Variants in SPEN observed in about 807,000 individuals in gnomAD.
SPEN encodes msx2-interacting protein.
SPEN carries 18 observed loss-of-function variants against 269.9 expected under a neutral mutation model. The observed-to-expected ratio is 0.07, with a 90% CI of 0.05 to 0.10. SPEN has a LOEUF of 0.10. SPEN is among the 10% of genes least tolerant of loss of function. SPEN has a pLI of 1.00. For synonymous variants in SPEN, 1,726 were observed against 1,765.7 expected, an observed-to-expected ratio of 0.98 and a Z score of 0.56; for missense variants, 3,822 against 4,631.2, an observed-to-expected ratio of 0.83 and a Z score of 5.07.
At chr1:15,887,903 C>T (rs184326008) in intron 3 of SPEN, among the ~76,000 whole-genome samples, 4 of 150,770 alleles carry the variant, frequency 2.7e-5, no homozygotes, top group Admixed American at 2.6e-4. Flanking sequence ...TGGTGGACGC[C>T]TATAATCCCA....
At chr1:15,864,474 T>TG (rs201870226) in intron 1 of SPEN, among the ~76,000 whole-genome samples, 6,582 of 150,790 alleles carry the variant, frequency 0.044, 456 homozygotes, top group African/African-American at 0.14. Context: ...CGGCCGGTTT[T>TG]TTTTTTTTTT....
Position 15,875,677 on chromosome 1 carries a change from A to G in SPEN, c.405-525A>G, listed in dbSNP as rs927865773. Among the ~76,000 whole-genome samples the G allele has an allele frequency of 3.3e-5, 5 of 152,152 alleles. No homozygotes were observed. In the East Asian group the frequency reaches 9.6e-4, roughly 29 times the overall value. ...CCAAGCAGTCAAAACTTAATGAAAA[A>G]AAGTTAAACTTAGAAAATTTTTTCT... On this transcript the variant is annotated intron_variant, in intron 2 of 14. Coordinates refer to ENST00000375759, the MANE Select transcript of SPEN (RefSeq NM_015001.3).
chr1:15,870,935 A>G (rs921946817), intron 1 of SPEN, among the ~76,000 whole-genome samples: 2 of 152,176 alleles, frequency 1.3e-5, no homozygotes, highest in Non-Finnish European at 2.9e-5. Flanking sequence ...TCATGAGGCT[A>G]GGGATCTATG....
At position 15,929,908 on chromosome 1, in the gene SPEN, C is replaced by T. The variant is rs2071204439; in HGVS notation, c.3668C>T (p.Pro1223Leu). The change falls in exon 11 of 15, where the codon CCT becomes CTT. Residue 1223 changes from proline to leucine, a missense_variant. By Grantham distance (98) the Pro-to-Leu change is moderately conservative. Coordinates refer to ENST00000375759, the MANE Select transcript of SPEN (RefSeq NM_015001.3). This position sits in a 1 kb window ranked among gnomAD's most constrained non-coding sequence, Gnocchi z 5.8. ...KPPQDVTDDS[P>L]PSKKKRMDHV... ...CCTCAAGATGTCACTGATGACTCTC[C>T]TCCTAGCAAAAAGAAAAGGATGGAT... The T allele has an allele frequency of 6.2e-7, 1 of 1,614,154 alleles. No individual in the cohort carries two copies. The highest frequency in any genetic ancestry group is 8.5e-7 in the Non-Finnish European group (1 of 1,180,042).
At chr1:15,878,883 G>T (rs1390588707) in intron 3 of SPEN, among the ~76,000 whole-genome samples, 2 of 151,436 alleles carry the variant, frequency 1.3e-5, no homozygotes, top group African/African-American at 2.4e-5. Context: ...GGTGGCACAT[G>T]CCTGTAATCG....
At position 15,933,982 on chromosome 1, in the gene SPEN, C is replaced by T; in HGVS notation, c.7742C>T (p.Pro2581Leu). Reference sequence around the variant, plus strand: ...CCCCCGCCAGTTGACTCTAAAAAGCCTTTAGAAGAAAAAACAGCACCTCCA... The same window carrying T: ...CCCCCGCCAGTTGACTCTAAAAAGCTTTTAGAAGAAAAAACAGCACCTCCA... ...APPPPVDSKK[P>L]LEEKTAPPVT... is the part of the protein sequence containing the mutation. The change falls in exon 11 of 15, where the codon CCT becomes CTT. Residue 2581 changes from proline to leucine, a missense_variant. Pro to Leu is a moderately conservative substitution (Grantham distance 98). Coordinates refer to ENST00000375759, the MANE Select transcript of SPEN (RefSeq NM_015001.3). This position sits in a 1 kb window ranked among gnomAD's most constrained non-coding sequence, Gnocchi z 5.7. 1.2e-6 allele frequency: 2 copies of T among 1,614,000 alleles called. No individual in the cohort carries two copies. The highest frequency in any genetic ancestry group is 1.7e-6 in the Non-Finnish European group (2 of 1,179,962).
intron 13 of SPEN, 153 bp from the exon 14 acceptor site, chr1:15,938,565 C>CAT (rs2071302919): frequency 4.3e-6 from 1 of 234,758 alleles, no homozygotes; most frequent in Non-Finnish European, 7.4e-6. Context: ...TGAAAAAAAG[C>CAT]TTTTTTTTTT....
intron 3 of SPEN, among the ~76,000 whole-genome samples, chr1:15,893,911 T>A (rs1237468007): frequency 6.6e-6 from 1 of 152,144 alleles, no homozygotes; most frequent in East Asian, 1.9e-4. Flanking sequence ...TGGTGGCGTG[T>A]GCCTGTAATC....
Position 15,848,947 on chromosome 1 carries a change from G to A in SPEN, c.83+797G>A, listed in dbSNP as rs373422704. ...CCACCCCTGAATTCCCGAATCAAAC[G>A]GTAAAACATTCCAAACCTTTTACGA... On this transcript the variant is annotated intron_variant, in intron 1 of 14. Transcript: ENST00000375759. This position sits in a 1 kb window ranked among gnomAD's most constrained non-coding sequence, Gnocchi z 5.1. 4.0e-5 allele frequency among the ~76,000 whole-genome samples: 6 copies of A among 151,684 alleles called. No individual in the cohort carries two copies. In the South Asian group the frequency reaches 6.3e-4, roughly 16 times the overall value.
intron 3 of SPEN, among the ~76,000 whole-genome samples, chr1:15,877,423 C>G (rs1247279223): frequency 6.6e-6 from 1 of 152,154 alleles, no homozygotes; most frequent in Admixed American, 6.5e-5. Flanking sequence ...CGTGCGCAAC[C>G]ACGCCTGGCT....
At position 15,876,303 on chromosome 1, in the gene SPEN, A is replaced by G; in HGVS notation, c.506A>G (p.Tyr169Cys). The change falls in exon 3 of 15, where the codon TAC (tyrosine) becomes TGC (cysteine). Residue 169 changes from tyrosine (Y) to cysteine (C), a missense_variant. Physicochemically the swap from Tyr to Cys is radical, Grantham distance 194. Transcript: ENST00000375759. ...FDRTRHYDQDYYRDPRERTLQ... is the reference protein window; with the variant it reads ...FDRTRHYDQDCYRDPRERTLQ... ...CGGACAAGACATTACGATCAGGATT[A>G]CTATAGAGATCCTCGAGAGCGGACT... 6.2e-7 allele frequency: 1 copy of G among 1,614,074 alleles called. No individual in the cohort carries two copies. The highest frequency in any genetic ancestry group is 1.3e-5 in the African/African-American group (1 of 75,022).
intron 1 of SPEN, among the ~76,000 whole-genome samples, chr1:15,854,903 C>T (rs1262082884): frequency 2.0e-5 from 3 of 152,070 alleles, no homozygotes; most frequent in Non-Finnish European, 2.9e-5. Context: ...ATTGTTCTCC[C>T]TACATGTATT....
intron 1 of SPEN, among the ~76,000 whole-genome samples, chr1:15,872,019 G>A (rs1326209413): frequency 6.6e-6 from 1 of 151,496 alleles, no homozygotes; most frequent in Non-Finnish European, 1.5e-5. Flanking sequence ...CAGATCACCT[G>A]AGGTCAGGAG....
intron 6 of SPEN, 110 bp from the exon 7 acceptor site, chr1:15,918,813 AATG>A (rs2071089472): frequency 1.2e-6 from 1 of 828,798 alleles, no homozygotes; most frequent in African/African-American, 1.7e-5. Flanking sequence ...TAACTAAGTA[AATG>A]ATGATTGAGA....
At chr1:15,936,702 C>G (rs2071278946) in intron 11 of SPEN, among the ~76,000 whole-genome samples, 1 of 151,340 alleles carries the variant, frequency 6.6e-6, no homozygotes, top group South Asian at 2.1e-4. Flanking sequence ...TTTGGGAGGC[C>G]AGGGCTGGCA....
chr1:15,856,916 A>G (rs2070393557), intron 1 of SPEN, among the ~76,000 whole-genome samples: 1 of 152,116 alleles, frequency 6.6e-6, no homozygotes, highest in Non-Finnish European at 1.5e-5. Flanking sequence ...ATATTACTAT[A>G]TGATCAATTT....
At chr1:15,936,703 A>G (rs569769393) in intron 11 of SPEN, among the ~76,000 whole-genome samples, 36 of 151,514 alleles carry the variant, frequency 2.4e-4, no homozygotes, top group Admixed American at 1.1e-3. Context: ...TTGGGAGGCC[A>G]GGGCTGGCAG....
chr1:15,923,457 G>C (rs1474020942), intron 10 of SPEN, among the ~76,000 whole-genome samples: 1 of 152,106 alleles, frequency 6.6e-6, no homozygotes, highest in Non-Finnish European at 1.5e-5. Flanking sequence ...CAAAAGGTTT[G>C]TGTGAAAAAC....
chr1:15,915,195 T>C (rs2071046706), intron 5 of SPEN, among the ~76,000 whole-genome samples: 1 of 152,218 alleles, frequency 6.6e-6, no homozygotes, highest in Non-Finnish European at 1.5e-5. Flanking sequence ...TTAAAATCTA[T>C]TTCTGTGTCA....
Sources: gnomAD v4.1 joint callset for allele counts (sites outside exome capture counted in the v4.1 genomes callset) on GRCh38, gnomAD v4.1.1 for gene constraint, Gnocchi (gnomAD v3.1) non-coding constraint, MANE v1.5 for transcripts, NCBI Gene and HGNC (gene_info 2026-07-23, HGNC 2026-07-21) for gene names.